The following TTC6 variants were observed in gnomAD, a reference collection of about 807,000 sequenced individuals.
TTC6 encodes tetratricopeptide repeat protein 6.
TTC6 carries 172 observed loss-of-function variants against 210.4 expected under a neutral mutation model. The observed-to-expected ratio is 0.82, with a 90% CI of 0.72 to 0.93. The LOEUF (loss-of-function observed/expected upper bound fraction) is 0.93, where lower values mean the gene tolerates loss of function less well. TTC6 is among the 40% of genes least tolerant of loss of function. TTC6 has a pLI of 0.00. For synonymous variants in TTC6, 804 were observed against 819.6 expected (o/e 0.98, Z 0.32); for missense variants, 2,414 against 2,318.1 (o/e 1.04, Z -0.85).
At chr14:37,805,444 C>T (rs2096116195) in intron 21 of TTC6, among the ~76,000 whole-genome samples, 1 of 151,522 alleles carries the variant, frequency 6.6e-6, no homozygotes, top group African/African-American at 2.4e-5. Flanking sequence ...CACACACACA[C>T]ACACACACAA....
At chr14:37,622,499 G>T in exon 1 of TTC6, 5 of 1,535,242 alleles carry the variant, frequency 3.3e-6, no homozygotes, top group Non-Finnish European at 4.4e-6. Flanking sequence ...GGTTCGGCAC[G>T]GCCAGACCCG....
chr14:37,842,052 G>T, intron 30 of TTC6, 103 bp from the exon 33 acceptor site: 1 of 1,026,206 alleles, frequency 9.7e-7, no homozygotes, highest in Non-Finnish European at 1.3e-6. Flanking sequence ...TTCATCCATT[G>T]AGTTAATTTT....
At chr14:37,741,427 T>TA (rs71127239) in intron 10 of TTC6, among the ~76,000 whole-genome samples, 93,914 of 150,926 alleles carry the variant, frequency 0.62, 30,348 homozygotes, top group East Asian at 0.89. Flanking sequence ...TAGCTGGGAG[T>TA]ACAGGCGTGT....
intron 6 of TTC6, among the ~76,000 whole-genome samples, chr14:37,718,451 C>T (rs771630259): frequency 1.3e-5 from 2 of 152,150 alleles, no homozygotes; most frequent in South Asian, 4.1e-4. Context: ...CAAAAACCTA[C>T]AGCTAACATA....
chr14:37,727,291 A>ATTTTTTTT (rs368293440), intron 7 of TTC6, among the ~76,000 whole-genome samples: 5 of 92,236 alleles, frequency 5.4e-5, no homozygotes, highest in Non-Finnish European at 1.1e-4. Context: ...TATTTTTCTA[A>ATTTTTTTT]TTTTTTTTTT....
At chr14:37,658,573 C>T (rs2095729934) in intron 1 of TTC6, among the ~76,000 whole-genome samples, 1 of 152,052 alleles carries the variant, frequency 6.6e-6, no homozygotes, top group Non-Finnish European at 1.5e-5. Context: ...GGAGACTTGG[C>T]AGGGTGAGAG....
chr14:37,668,147 T>A (rs971515482), intron 1 of TTC6, among the ~76,000 whole-genome samples: 4 of 149,272 alleles, frequency 2.7e-5, no homozygotes, highest in Non-Finnish European at 4.5e-5. Flanking sequence ...AAAAAAAAAA[T>A]TTGGCTGGAT....
At chr14:37,751,789 T>C (rs914115872) in intron 13 of TTC6, among the ~76,000 whole-genome samples, 10 of 151,870 alleles carry the variant, frequency 6.6e-5, no homozygotes, top group East Asian at 1.9e-4. Context: ...GAGTAACTTA[T>C]GTTTAGGAGA....
intron 5 of TTC6, among the ~76,000 whole-genome samples, chr14:37,703,200 G>A (rs2095828814): frequency 6.6e-6 from 1 of 151,924 alleles, no homozygotes; most frequent in Non-Finnish European, 1.5e-5. Context: ...TCATTTGGAG[G>A]ACTTACAGCT....
chr14:37,699,549 G>T (rs757802931), intron 4 of TTC6, among the ~76,000 whole-genome samples: 2 of 152,130 alleles, frequency 1.3e-5, no homozygotes, highest in Non-Finnish European at 2.9e-5. Context: ...TCAATTTGCT[G>T]GGTAAGGGAG....
intron 24 of TTC6, among the ~76,000 whole-genome samples, chr14:37,811,445 C>T (rs1235331028): frequency 1.3e-5 from 2 of 152,092 alleles, no homozygotes; most frequent in African/African-American, 4.8e-5. Flanking sequence ...GGCAAATGAG[C>T]AAATATAAAA....
At chr14:37,833,868 A>G (rs955281931) in intron 29 of TTC6, among the ~76,000 whole-genome samples, 1 of 152,090 alleles carries the variant, frequency 6.6e-6, no homozygotes, top group African/African-American at 2.4e-5. Context: ...TTCATGTAGG[A>G]CTGGTCTCAT....
At position 37,795,254 on chromosome 14, in the gene TTC6, G is replaced by A; in HGVS notation, c.3709-16G>A. 1 of 1,517,994 alleles carries A rather than the reference G, an allele frequency of 6.6e-7. No individual in the cohort carries two copies. Among genetic ancestry groups the A allele is most frequent in the Non-Finnish European group, 8.8e-7 (1 of 1,134,174 alleles). The allele number at this position is 1,517,994 out of a possible 1,614,324, so 94.0% of individuals were successfully genotyped here. ...CGATGTTATTAGGAGCTAAATTTCT[G>A]TTTCTCACTCAACAGTTGCATAAAT... On this transcript the variant is annotated splice_polypyrimidine_tract_variant and intron_variant, in intron 17 of 30. Coordinates refer to ENST00000553443, the Ensembl canonical transcript of TTC6.
chr14:37,622,547 C>CAGAGCGCGCGGGGTCTTGG lies in TTC6; in HGVS notation c.489_507dup (p.Ser170AlafsTer171). On this transcript the variant is annotated frameshift_variant, in exon 1 of 31. Transcript: ENST00000553443. LOFTEE classifies it high-confidence loss of function. Reference sequence around the variant, plus strand: ...CTCCGCCCGAGCCACCCGTGAAGCGCAGAGCGCGCGGGGTCTTGGAGAGCT... The same window carrying CAGAGCGCGCGGGGTCTTGG: ...CTCCGCCCGAGCCACCCGTGAAGCGCAGAGCGCGCGGGGTCTTGGAGAGCGCGCGGGGTCTTGGAGAGCT... The CAGAGCGCGCGGGGTCTTGG allele has an allele frequency of 6.5e-7, 1 of 1,535,014 alleles. No individual in the cohort carries two copies. Among genetic ancestry groups the CAGAGCGCGCGGGGTCTTGG allele is most frequent in the Non-Finnish European group, 8.7e-7 (1 of 1,146,446 alleles).
exon 15 of TTC6, chr14:37,787,587 T>C (rs199861464): frequency 5.8e-5 from 88 of 1,521,814 alleles, no homozygotes; most frequent in Admixed American, 2.2e-4. Context: ...CGAGGTTGCT[T>C]ATTCAGAAAG....
chr14:37,604,820 C>G (rs1027042870), intron 1 of TTC6, among the ~76,000 whole-genome samples: 1 of 152,114 alleles, frequency 6.6e-6, no homozygotes, highest in African/African-American at 2.4e-5. Context: ...CTCCTCTGCC[C>G]TTCTCATGGA....
intron 1 of TTC6, among the ~76,000 whole-genome samples, chr14:37,599,229 G>T (rs1367394066): frequency 1.3e-5 from 2 of 152,172 alleles, no homozygotes; most frequent in Non-Finnish European, 2.9e-5. Context: ...CCGTTCCTTC[G>T]CTGCCTTCCT....
At chr14:37,633,763 C>T (rs2095674730) in intron 1 of TTC6, among the ~76,000 whole-genome samples, 1 of 152,114 alleles carries the variant, frequency 6.6e-6, no homozygotes. Context: ...CAATGGAGGC[C>T]ATGTGGAGAA....
At chr14:37,808,023 A>G (rs947333064) in intron 23 of TTC6, among the ~76,000 whole-genome samples, 4 of 152,130 alleles carry the variant, frequency 2.6e-5, no homozygotes, top group Non-Finnish European at 5.9e-5. Flanking sequence ...ATATAGTTAT[A>G]TACAACTGAG....
Sources: allele counts gnomAD v4.1 joint callset (sites outside exome capture counted in the v4.1 genomes callset), GRCh38; gene constraint gnomAD v4.1.1; transcripts MANE v1.5; gene names NCBI Gene and HGNC (gene_info 2026-07-23, HGNC 2026-07-21).